Variants in LMF1 observed in about 807,000 individuals in gnomAD.
The protein encoded by LMF1 is transmembrane protein 112.
A neutral mutation model predicts 60.6 loss-of-function variants in LMF1; 68 were observed. That is an observed-to-expected ratio of 1.12 (90% confidence interval 0.92 to 1.37). The LOEUF (loss-of-function observed/expected upper bound fraction) is 1.37, where lower values mean the gene tolerates loss of function less well. LMF1 is among the 40% of genes most tolerant of loss of function. The pLI is 0.00. For synonymous variants in LMF1, 418 were observed against 324.7 expected, an observed-to-expected ratio of 1.29 and a Z score of -3.09; for missense variants, 948 against 767.2, an observed-to-expected ratio of 1.24 and a Z score of -2.78.
intron 10 of LMF1, among the ~76,000 whole-genome samples, chr16:862,396 G>A (rs978885955): frequency 2.0e-5 from 3 of 152,106 alleles, no homozygotes; most frequent in East Asian, 1.9e-4. Flanking sequence ...TGCTCGCCTC[G>A]GCCTCCCAAA....
upstream of LMF1, among the ~76,000 whole-genome samples, chr16:974,714 G>C (rs1198298185): frequency 6.6e-6 from 1 of 152,196 alleles, no homozygotes; most frequent in African/African-American, 2.4e-5. Context: ...CTGCGGGCCG[G>C]CTTCAGGGAG....
Position 951,422 on chromosome 16 carries a change from G to A in LMF1, c.503+2935C>T, listed in dbSNP as rs979870775. On this transcript the variant is annotated intron_variant, in intron 2 of 10. Coordinates refer to ENST00000262301, the MANE Select transcript of LMF1 (RefSeq NM_022773.4). ...AGCGACTTCAGATACTATAGCAGAT[G>A]CTGTGCTCAGGGCTCCAGCGTCCTG... Among the ~76,000 whole-genome samples the A allele has an allele frequency of 3.3e-5, 5 of 152,254 alleles. No individual in the cohort carries two copies. In the East Asian group the frequency reaches 7.7e-4, roughly 23 times the overall value.
At chr16:868,921 C>T (rs775496914) in intron 10 of LMF1, 23 bp downstream of exon 10, 2 of 1,462,122 alleles carry the variant, frequency 1.4e-6, no homozygotes, top group East Asian at 2.3e-5. Context: ...GACCCCTGAG[C>T]AGCGGCAGGG....
intron 5 of LMF1, among the ~76,000 whole-genome samples, chr16:887,863 G>T (rs1379551571): frequency 1.3e-5 from 2 of 152,180 alleles, no homozygotes; most frequent in African/African-American, 4.8e-5. Flanking sequence ...AGGTGTGGGA[G>T]CCCAGAGACG....
chr16:933,604 GAGGTCATGGAGAA>G (rs145364772), intron 3 of LMF1: 10,021 of 204,486 alleles, frequency 0.049, 310 homozygotes, highest in East Asian at 0.083. Context: ...CCTGCGCCCT[GAGGTCATGGAGAA>G]AGGCAGGGGT....
chr16:934,609 C>T (rs2071887446), intron 2 of LMF1: 2 of 336,132 alleles, frequency 6.0e-6, no homozygotes, highest in African/African-American at 2.1e-5. Flanking sequence ...AATTTAAGGA[C>T]ATCACATGAC....
chr16:945,390 G>T (rs2072213365), intron 2 of LMF1, among the ~76,000 whole-genome samples: 2 of 151,880 alleles, frequency 1.3e-5, no homozygotes, highest in African/African-American at 2.4e-5. Flanking sequence ...GCCAGGTGTG[G>T]TGCTGGGTGC....
upstream of LMF1, among the ~76,000 whole-genome samples, chr16:973,793 G>A (rs1245710815): frequency 2.0e-5 from 3 of 152,196 alleles, no homozygotes; most frequent in Non-Finnish European, 4.4e-5. Flanking sequence ...GAGGTCAGGA[G>A]ATCGAGACCA....
intron 10 of LMF1, chr16:856,025 C>A (rs755320628): frequency 2.2e-6 from 1 of 452,766 alleles, no homozygotes; most frequent in African/African-American, 2.0e-5. Flanking sequence ...AAGACAGAGA[C>A]CCTCTGGGTG....
At chr16:976,697 AC>A (rs1258504183) in intron 1 of LMF1, 1 of 453,992 alleles carries the variant, frequency 2.2e-6, no homozygotes. Flanking sequence ...AAGCTTGGGG[AC>A]CCGCTCCCAG....
chr16:974,322 G>A (rs1222383103), upstream of LMF1, among the ~76,000 whole-genome samples: 1 of 152,174 alleles, frequency 6.6e-6, no homozygotes, highest in Non-Finnish European at 1.5e-5. Context: ...TGTGACCACA[G>A]GCACGTGGGC....
intron 2 of LMF1, among the ~76,000 whole-genome samples, chr16:937,996 T>C (rs5029141): frequency 0.25 from 37,541 of 150,184 alleles, 5,785 homozygotes; most frequent in African/African-American, 0.4. Context: ...GTCTTTGTCA[T>C]GTGGTGAAGG....
chr16:970,864 G>C lies in LMF1; in HGVS notation c.117C>G (p.Gly39=). Residue 39 remains glycine (G), a synonymous_variant, in exon 1 of 11, where the codon GGC becomes GGG. Transcript: ENST00000262301. ...TGCCCGTGTGGAGATGGGCCGGAGA[G>C]CCTGCGGGGCCACGCCCCGGCGCGG... ...SPPAPGRGPA[G]SPAHLHTGTF... 6.4e-7 allele frequency: 1 copy of C among 1,562,982 alleles called. No individual in the cohort carries two copies.
chr16:879,597 G>C lies in LMF1; in HGVS notation c.870C>G (p.Ile290Met), dbSNP rs756988851. 6.2e-7 allele frequency: 1 copy of C among 1,613,070 alleles called. No homozygotes were observed. Among genetic ancestry groups the C allele is most frequent in the Non-Finnish European group, 8.5e-7 (1 of 1,179,748 alleles). The part of the protein sequence containing the change: ...FLFLGRRACI[I>M]HGVLQILFQA... ...GGAACAGGATCTGCAGCACCCCGTG[G>C]ATGATGCACGCCCGCCGGCCGAGGA... Residue 290 changes from isoleucine to methionine, a missense_variant, in exon 6 of 11, where the codon ATC becomes ATG. Transcript: ENST00000262301.
At chr16:889,300 C>T (rs1052692198) in intron 5 of LMF1, among the ~76,000 whole-genome samples, 1 of 152,084 alleles carries the variant, frequency 6.6e-6, no homozygotes, top group Non-Finnish European at 1.5e-5. Flanking sequence ...AATTTGCCGG[C>T]AACTGCCTTT....
intron 10 of LMF1, among the ~76,000 whole-genome samples, chr16:863,175 T>C (rs2069516267): frequency 6.6e-6 from 1 of 152,234 alleles, no homozygotes; most frequent in Non-Finnish European, 1.5e-5. Flanking sequence ...GATATCTCTT[T>C]TTCGTTTCGA....
chr16:917,957 G>A (rs763127776), intron 3 of LMF1, among the ~76,000 whole-genome samples: 40 of 152,210 alleles, frequency 2.6e-4, no homozygotes, highest in Non-Finnish European at 4.7e-4. Flanking sequence ...TCCTGAGGAC[G>A]TTTCACAGGA....
chr16:974,654 CCCCAGGA>C (rs1258725356), upstream of LMF1, among the ~76,000 whole-genome samples: 1 of 152,216 alleles, frequency 6.6e-6, no homozygotes, highest in Non-Finnish European at 1.5e-5. Context: ...CCAGCACAGC[CCCCAGGA>C]CCCAGGCACA....
At chr16:890,113 T>G (rs916441724) in intron 5 of LMF1, among the ~76,000 whole-genome samples, 6 of 152,090 alleles carry the variant, frequency 3.9e-5, no homozygotes, top group Non-Finnish European at 4.4e-5. Context: ...TGGCCACTGC[T>G]CCGTCTGTCG....
Sources: allele counts gnomAD v4.1 joint callset (sites outside exome capture counted in the v4.1 genomes callset), GRCh38; gene constraint gnomAD v4.1.1; transcripts MANE v1.5; gene names NCBI Gene and HGNC (gene_info 2026-07-23, HGNC 2026-07-21).